Variants in ALDH1L1 observed in about 807,000 individuals in gnomAD.
The protein encoded by ALDH1L1 is aldehyde dehydrogenase 1 family member L1, also known as cytosolic 10-formyltetrahydrofolate dehydrogenase.
In ALDH1L1, 68 loss-of-function variants were observed where a neutral mutation model predicts 101.1. That is an observed-to-expected ratio of 0.67 (90% CI 0.55 to 0.82). ALDH1L1 has a LOEUF of 0.82. Among genes scored for constraint, ALDH1L1 ranks in the 40% least tolerant of loss-of-function variants. The pLI is 0.00. For missense variants in ALDH1L1, 1,087 were observed against 1,172.7 expected (o/e 0.93, Z 1.07); for synonymous variants, 486 against 470.8 (o/e 1.03, Z -0.42).
chr3:126,118,355 T>C (rs1227485040), intron 16 of ALDH1L1, among the ~76,000 whole-genome samples: 3 of 152,162 alleles, frequency 2.0e-5, no homozygotes, highest in Non-Finnish European at 4.4e-5. Context: ...ATGTGGCCTT[T>C]ACATAGGTGA....
chr3:126,112,803 A>G lies in ALDH1L1; in HGVS notation c.2160T>C (p.His720=). The change falls in exon 19 of 23, where the codon CAT becomes CAC. Residue 720 remains histidine (H), a synonymous_variant. Coordinates refer to ENST00000393434, the MANE Select transcript of ALDH1L1 (RefSeq NM_012190.4). The part of the protein sequence containing the change: ...AGRLFVEDSI[H]DEFVRRVVEE... ...TTACCACTCTCCGCACGAACTCATCATGAATGGAGTCCTCCACAAAGAGTC... is the reference window on the plus strand; with the variant it reads ...TTACCACTCTCCGCACGAACTCATCGTGAATGGAGTCCTCCACAAAGAGTC... 2.5e-6 allele frequency: 4 copies of G among 1,613,548 alleles called. No homozygotes were observed. Among genetic ancestry groups the G allele is most frequent in the Non-Finnish European group, 3.4e-6 (4 of 1,180,010 alleles).
intron 1 of ALDH1L1, 52 bp downstream of exon 1, chr3:126,180,424 G>C: frequency 5.1e-6 from 5 of 986,538 alleles, no homozygotes; most frequent in Non-Finnish European, 6.0e-6. Flanking sequence ...TGCAGCCGGG[G>C]CAGCCTCCTT....
rs1359893834 is a variant in ALDH1L1, at chr3:126,154,418, AGGG to A, written c.720+133_720+135del. On this transcript the variant is annotated intron_variant, in intron 6 of 22. Coordinates refer to ENST00000393434, the MANE Select transcript of ALDH1L1 (RefSeq NM_012190.4). ...CTCCTGGGGAAAGGCTGGGATGTTT[AGGG>A]GGCACCCAGTGGGAGTAGGGGCCAG... 22 of 855,354 alleles carry A rather than the reference AGGG, an allele frequency of 2.6e-5. No homozygotes were observed. In the African/African-American group the frequency reaches 3.2e-4, roughly 12 times the overall value. The allele number at this position is 855,354 out of a possible 1,614,324, so 53.0% of individuals were successfully genotyped here.
intron 1 of ALDH1L1, among the ~76,000 whole-genome samples, chr3:126,162,279 C>T (rs4679208): frequency 0.64 from 96,669 of 152,002 alleles, 30,801 homozygotes; most frequent in Admixed American, 0.66. Flanking sequence ...CTTTAACAGA[C>T]GCTGCCAGTT....
chr3:126,120,135 C>G (rs143241406), intron 16 of ALDH1L1, among the ~76,000 whole-genome samples: 1 of 152,218 alleles, frequency 6.6e-6, no homozygotes, highest in Non-Finnish European at 1.5e-5. Flanking sequence ...GATATTTACC[C>G]GAAGGAGTTG....
intron 18 of ALDH1L1, among the ~76,000 whole-genome samples, chr3:126,113,704 C>A (rs573566132): frequency 1.0e-3 from 154 of 152,352 alleles, no homozygotes; most frequent in African/African-American, 3.6e-3. Flanking sequence ...TTAGGCCACC[C>A]TCCACGGCAC....
rs1276091156 is a variant in ALDH1L1, at chr3:126,103,766, A to G, written c.*25T>C. The G allele has an allele frequency of 1.2e-6, 2 of 1,611,658 alleles. No individual in the cohort carries two copies. The highest frequency in any genetic ancestry group is 1.7e-5 in the Admixed American group (1 of 59,794). On this transcript the variant is annotated 3_prime_UTR_variant, in exon 23 of 23. Coordinates refer to ENST00000393434, the MANE Select transcript of ALDH1L1 (RefSeq NM_012190.4). ...CCCCAGCCACGAGGGAGGGGCAGGG[A>G]CTTTCTTCTCACAAAGACCTTTCTT...
intron 1 of ALDH1L1, among the ~76,000 whole-genome samples, chr3:126,192,503 T>C (rs150317558): frequency 1.3e-5 from 2 of 152,352 alleles, no homozygotes; most frequent in African/African-American, 4.8e-5. Context: ...TGTCAGTTTC[T>C]GCCTGTGGAG....
intron 1 of ALDH1L1, among the ~76,000 whole-genome samples, chr3:126,164,035 G>A (rs2081113934): frequency 6.6e-6 from 1 of 152,010 alleles, no homozygotes; most frequent in Admixed American, 6.6e-5. Context: ...GGAGGCTGAG[G>A]CATGAGAATC....
chr3:126,174,369 G>A (rs2081335972), intron 1 of ALDH1L1, among the ~76,000 whole-genome samples: 1 of 152,220 alleles, frequency 6.6e-6, no homozygotes, highest in African/African-American at 2.4e-5. Flanking sequence ...CTGGAAATCA[G>A]TAAGGACATA....
At chr3:126,174,394 T>A (rs1385557655) in intron 1 of ALDH1L1, among the ~76,000 whole-genome samples, 1 of 152,182 alleles carries the variant, frequency 6.6e-6, no homozygotes, top group African/African-American at 2.4e-5. Flanking sequence ...AACAGCACCA[T>A]CAATTAAGTG....
chr3:126,178,746 T>TTGTGTGTG (rs112510826), intron 1 of ALDH1L1, among the ~76,000 whole-genome samples: 56 of 149,908 alleles, frequency 3.7e-4, no homozygotes, highest in East Asian at 1.6e-3. Context: ...AGGCTTAAGT[T>TTGTGTGTG]TGTGTGTGTG....
intron 1 of ALDH1L1, among the ~76,000 whole-genome samples, chr3:126,174,338 C>T (rs1559976612): frequency 6.6e-6 from 1 of 152,194 alleles, no homozygotes; most frequent in East Asian, 1.9e-4. Flanking sequence ...CCAGTACCCA[C>T]TAACTGATAG....
chr3:126,160,728 G>A, intron 2 of ALDH1L1, 125 bp downstream of exon 2: 2 of 1,424,720 alleles, frequency 1.4e-6, no homozygotes, highest in South Asian at 1.4e-5. Flanking sequence ...ACCACTTATG[G>A]CTGCCTCCCA....
intron 2 of ALDH1L1, among the ~76,000 whole-genome samples, chr3:126,159,730 G>A (rs1000878233): frequency 1.3e-5 from 2 of 152,208 alleles, no homozygotes; most frequent in South Asian, 2.1e-4. Flanking sequence ...AGCAGCTGGG[G>A]TCAGTGGTCA....
In ALDH1L1 at chr3:126,107,176, G is replaced by A. The variant is rs372361618; in HGVS notation, c.2418C>T (p.Phe806=). The A allele has an allele frequency of 4.3e-5, 69 of 1,614,048 alleles. No homozygotes were observed. Among genetic ancestry groups the A allele is most frequent in the Non-Finnish European group, 5.5e-5 (65 of 1,180,020 alleles). The part of the protein sequence containing the change: ...DHMFIAKEES[F]GPVMIISRFA... ...ACCGAGAGATGATCATGACAGGCCC[G>A]AAGGACTCCTCCTTGGCTATGAACA... Residue 806 remains phenylalanine (F), a synonymous_variant, in exon 21 of 23, where the codon TTC becomes TTT. Coordinates refer to ENST00000393434, the MANE Select transcript of ALDH1L1 (RefSeq NM_012190.4).
At chr3:126,114,804 C>CCCCCCCCCCCCCCA in intron 17 of ALDH1L1, 148 bp from the exon 18 acceptor site, 1 of 731,514 alleles carries the variant, frequency 1.4e-6, no homozygotes, top group Non-Finnish European at 2.4e-6. Flanking sequence ...CCCCCCCACC[C>CCCCCCCCCCCCCCA]CTTGCGGCTT....
chr3:126,126,558 A>C (rs536204614), intron 14 of ALDH1L1, among the ~76,000 whole-genome samples: 1 of 148,982 alleles, frequency 6.7e-6, no homozygotes, highest in South Asian at 2.2e-4. Context: ...AGCAGCAGGG[A>C]GCACTGAGAT....
intron 1 of ALDH1L1, among the ~76,000 whole-genome samples, chr3:126,174,044 G>GT (rs1553765256): frequency 2.0e-5 from 3 of 151,890 alleles, no homozygotes; most frequent in Non-Finnish European, 2.9e-5. Context: ...CCCCACTAAC[G>GT]TTTTTTTTGG....
Sources: gnomAD v4.1 joint callset for allele counts (sites outside exome capture counted in the v4.1 genomes callset) on GRCh38, gnomAD v4.1.1 for gene constraint, MANE v1.5 for transcripts, NCBI Gene and HGNC (gene_info 2026-07-23, HGNC 2026-07-21) for gene names.